Variants in SFMBT2 observed in about 807,000 individuals in gnomAD.
SFMBT2 encodes scm-like with four MBT domains protein 2.
In SFMBT2, 38 loss-of-function variants were observed where a neutral mutation model predicts 110.1. The observed-to-expected ratio is 0.35, with a 90% CI of 0.27 to 0.45. The LOEUF (loss-of-function observed/expected upper bound fraction) is 0.45, where lower values mean the gene tolerates loss of function less well. Among genes scored for constraint, SFMBT2 ranks in the 20% least tolerant of loss-of-function variants. The probability of loss-of-function intolerance (pLI) is 1.00; values close to 1 mark genes in which losing one functional copy is unlikely to be tolerated. For missense variants in SFMBT2, 1,011 were observed against 1,094.9 expected (o/e 0.92, Z 1.08); for synonymous variants, 425 against 425.4 (o/e 1.00, Z 0.01).
At chr10:7,327,899 T>C (rs1843444572) in intron 4 of SFMBT2, among the ~76,000 whole-genome samples, 1 of 152,210 alleles carries the variant, frequency 6.6e-6, no homozygotes. Context: ...TTCCACTTTC[T>C]GGCAACTATG....
At chr10:7,272,331 A>G (rs1172083784) in intron 7 of SFMBT2, among the ~76,000 whole-genome samples, 1 of 152,208 alleles carries the variant, frequency 6.6e-6, no homozygotes, top group Non-Finnish European at 1.5e-5. Flanking sequence ...AAGCTGATGA[A>G]GAAGAAGTGA....
At chr10:7,286,095 C>A in intron 4 of SFMBT2, 141 bp from the exon 5 acceptor site, 1 of 614,514 alleles carries the variant, frequency 1.6e-6, no homozygotes, top group South Asian at 1.9e-5. Flanking sequence ...ACTTTCATCA[C>A]CATGCTTAAG....
chr10:7,160,205 C>G lies in SFMBT2; in HGVS notation c.*3565G>C, dbSNP rs1837514194. The G allele has an allele frequency of 6.6e-6, 1 of 152,184 alleles. No individual in the cohort carries two copies. Among genetic ancestry groups the G allele is most frequent in the Non-Finnish European group, 1.5e-5 (1 of 68,038 alleles). 9.4% of individuals were successfully genotyped at this position (152,184 alleles called of 1,614,324 possible). A position where few individuals can be genotyped will look rare whatever the true frequency, so the allele number is the denominator to read the frequency against. On this transcript the variant is annotated 3_prime_UTR_variant, in exon 21 of 21. Coordinates refer to ENST00000397167, the MANE Select transcript of SFMBT2 (RefSeq NM_001387889.1). ...CGCTGTGCAGCTCCGTGGTGAAGTT[C>G]ACTGTGTTTTGCTTTTGTTTTGAAA...
chr10:7,357,533 A>T (rs1279855534), intron 4 of SFMBT2, among the ~76,000 whole-genome samples: 1 of 152,226 alleles, frequency 6.6e-6, no homozygotes, highest in African/African-American at 2.4e-5. Context: ...CTAAGTTTCC[A>T]GCCTACAGAT....
intron 4 of SFMBT2, among the ~76,000 whole-genome samples, chr10:7,365,282 C>T (rs1564460049): frequency 6.6e-6 from 1 of 152,228 alleles, no homozygotes; most frequent in Non-Finnish European, 1.5e-5. Context: ...GCACACAGCA[C>T]TACTGGCAGC....
At chr10:7,206,997 C>T (rs1294053124) in intron 11 of SFMBT2, 1 of 847,378 alleles carries the variant, frequency 1.2e-6, no homozygotes, top group African/African-American at 1.8e-5. Context: ...AGGCCAAGGC[C>T]AGCAAATTGC....
In SFMBT2 at chr10:7,171,965, C is replaced by A; in HGVS notation, c.2345G>T (p.Arg782Leu). Residue 782 changes from arginine (R) to leucine (L), a missense_variant, in exon 19 of 21, where the codon CGC becomes CTC. By Grantham distance (102) the Arg-to-Leu change is moderately radical. Coordinates refer to ENST00000397167, the MANE Select transcript of SFMBT2 (RefSeq NM_001387889.1). This position sits in a 1 kb window ranked among gnomAD's most constrained non-coding sequence, Gnocchi z 4.9. ...TGCTGAGGAGGCAGCCGGCGCCCCGCGGCCCCTTCGTGTCCTCTCTGGGGG... is the reference window on the plus strand; with the variant it reads ...TGCTGAGGAGGCAGCCGGCGCCCCGAGGCCCCTTCGTGTCCTCTCTGGGGG... ...RPPPERTRRG[R>L]GAPAASSAEE... 6.7e-7 allele frequency: 1 copy of A among 1,497,926 alleles called. No individual in the cohort carries two copies. Among genetic ancestry groups the A allele is most frequent in the Non-Finnish European group, 8.9e-7 (1 of 1,126,666 alleles). 92.8% of individuals were successfully genotyped at this position (1,497,926 alleles called of 1,614,324 possible).
chr10:7,178,247 T>A (rs2131547549), intron 16 of SFMBT2, among the ~76,000 whole-genome samples: 1 of 152,188 alleles, frequency 6.6e-6, no homozygotes, highest in Non-Finnish European at 1.5e-5. Flanking sequence ...TCGGTTCACA[T>A]CTTCTAAGGT....
At chr10:7,248,413 G>T in intron 8 of SFMBT2, 135 bp downstream of exon 8, 1 of 691,258 alleles carries the variant, frequency 1.4e-6, no homozygotes, top group Non-Finnish European at 2.5e-6. Flanking sequence ...CTGGAAGGGC[G>T]GCAATCTTCC....
At chr10:7,200,133 CT>C (rs1838904380) in intron 14 of SFMBT2, among the ~76,000 whole-genome samples, 1 of 152,156 alleles carries the variant, frequency 6.6e-6, no homozygotes, top group Admixed American at 6.5e-5. Flanking sequence ...ATATGCAGCC[CT>C]AATTTGGCTC....
Position 7,392,821 on chromosome 10 carries a change from T to C in SFMBT2, c.-51-10872A>G, listed in dbSNP as rs143227078. On this transcript the variant is annotated intron_variant, in intron 1 of 20. Coordinates refer to ENST00000397167, the MANE Select transcript of SFMBT2 (RefSeq NM_001387889.1). ...TACCAGAAGTCTAACTTTTTTGGGA[T>C]TTCAAGTTTTACATTCACTGTTTTA... Among the ~76,000 whole-genome samples, 723 of 151,592 alleles carry C rather than the reference T, an allele frequency of 4.8e-3. 8 individuals are homozygous for C. The highest frequency in any genetic ancestry group is 0.016 in the African/African-American group (674 of 41,412).
intron 11 of SFMBT2, 31 bp from the exon 12 acceptor site, chr10:7,205,959 C>A: frequency 6.2e-7 from 1 of 1,611,680 alleles, no homozygotes; most frequent in Non-Finnish European, 8.5e-7. Flanking sequence ...ACAAGAGGTA[C>A]AAACAGATCT....
chr10:7,191,098 CT>C (rs1249704856), intron 15 of SFMBT2, among the ~76,000 whole-genome samples: 2 of 145,762 alleles, frequency 1.4e-5, no homozygotes, highest in Non-Finnish European at 3.1e-5. Flanking sequence ...CCTTAAACCT[CT>C]TTTCCTTTAT....
intron 7 of SFMBT2, among the ~76,000 whole-genome samples, chr10:7,257,354 T>C (rs148755613): frequency 1.1e-4 from 16 of 152,210 alleles, no homozygotes; most frequent in Admixed American, 5.9e-4. Context: ...CTGCCTCTGA[T>C]GAAGTCCCTG....
chr10:7,385,340 G>A (rs1259661891), intron 1 of SFMBT2, among the ~76,000 whole-genome samples: 1 of 152,182 alleles, frequency 6.6e-6, no homozygotes, highest in Non-Finnish European at 1.5e-5. Flanking sequence ...CATGGGCTTG[G>A]AGAGCGGAGG....
intron 4 of SFMBT2, among the ~76,000 whole-genome samples, chr10:7,324,210 A>G (rs958894062): frequency 1.3e-5 from 2 of 152,210 alleles, no homozygotes; most frequent in African/African-American, 4.8e-5. Context: ...GAATCAAATG[A>G]ATGTTTTGCT....
At chr10:7,385,085 G>A (rs1018011709) in intron 1 of SFMBT2, among the ~76,000 whole-genome samples, 1 of 152,176 alleles carries the variant, frequency 6.6e-6, no homozygotes, top group Non-Finnish European at 1.5e-5. Context: ...TGGCATGCAG[G>A]GAGCGAGCAC....
chr10:7,163,819 T>C lies in SFMBT2; in HGVS notation c.2636A>G (p.His879Arg). The change falls in exon 21 of 21, where the codon CAC (histidine) becomes CGC (arginine). Residue 879 changes from histidine to arginine, a missense_variant. His to Arg is a conservative substitution (Grantham distance 29). Coordinates refer to ENST00000397167, the MANE Select transcript of SFMBT2 (RefSeq NM_001387889.1). The surrounding 1 kb of genome is among the most constrained non-coding windows in gnomAD (Gnocchi z 4.8). ...LKLGPAIKLC[H>R]QIERVKVAFY... The stretch of plus-strand genomic sequence containing the variant: ...AGCCACTTTGACTCTCTCGATCTGG[T>C]GGCATAACTTGATGGCAGGCCCCAG... 6.2e-7 allele frequency: 1 copy of C among 1,614,212 alleles called. No individual in the cohort carries two copies. The highest frequency in any genetic ancestry group is 8.5e-7 in the Non-Finnish European group (1 of 1,180,034).
At chr10:7,295,925 C>T (rs919487403) in intron 4 of SFMBT2, among the ~76,000 whole-genome samples, 6 of 152,172 alleles carry the variant, frequency 3.9e-5, no homozygotes, top group African/African-American at 1.4e-4. Flanking sequence ...AAAGACCTAA[C>T]GCTTTCTCTG....
Sources: allele counts gnomAD v4.1 joint callset (sites outside exome capture counted in the v4.1 genomes callset), GRCh38; gene constraint gnomAD v4.1.1; non-coding constraint Gnocchi (gnomAD v3.1); transcripts MANE v1.5; gene names NCBI Gene and HGNC (gene_info 2026-07-23, HGNC 2026-07-21).